The following TMEM167A variants were observed in gnomAD, a reference collection of about 807,000 sequenced individuals.
The protein encoded by TMEM167A is protein kish-A.
TMEM167A carries 8 observed loss-of-function variants against 11.6 expected under a neutral mutation model. That is an observed-to-expected ratio of 0.69 (90% CI 0.40 to 1.24). TMEM167A has a LOEUF of 1.24. Among genes scored for constraint, TMEM167A ranks in the 50% most tolerant of loss-of-function variants. The pLI is 0.01. For synonymous variants in TMEM167A, 22 were observed against 28.0 expected, an observed-to-expected ratio of 0.79 and a Z score of 0.67; for missense variants, 62 against 87.0, an observed-to-expected ratio of 0.71 and a Z score of 1.14.
Position 83,055,376 on chromosome 5 carries a change from G to A in TMEM167A, c.*1708C>T, listed in dbSNP as rs1038265771. 2 of 151,944 alleles carry A rather than the reference G, an allele frequency of 1.3e-5. No individual in the cohort carries two copies. The highest frequency in any genetic ancestry group is 1.3e-4 in the Admixed American group (2 of 15,212). The allele number at this position is 151,944 out of a possible 1,614,324, so 9.4% of individuals were successfully genotyped here. A position where few individuals can be genotyped will look rare whatever the true frequency, so the allele number is the denominator to read the frequency against. On this transcript the variant is annotated 3_prime_UTR_variant, in exon 4 of 4. Transcript: ENST00000502346. ...ACAACAGATGGCCACCCAGAAATTA[G>A]AGCCAGAAAGGTGACTTACTCAGCA...
chr5:83,075,939 A>G (rs1744646075), intron 1 of TMEM167A, among the ~76,000 whole-genome samples: 1 of 152,144 alleles, frequency 6.6e-6, no homozygotes. Context: ...TGACATCCCA[A>G]GCTCACAGGA....
chr5:83,075,623 T>C (rs1248821672), intron 1 of TMEM167A, among the ~76,000 whole-genome samples: 2 of 151,812 alleles, frequency 1.3e-5, no homozygotes, highest in African/African-American at 2.4e-5. Context: ...TGCACGCCTG[T>C]AGTCCCAGCT....
chr5:83,074,005 C>T (rs981788651), intron 1 of TMEM167A, among the ~76,000 whole-genome samples: 9 of 152,320 alleles, frequency 5.9e-5, no homozygotes, highest in African/African-American at 1.7e-4. Flanking sequence ...TTTAAATATA[C>T]TCTATGTTGT....
intron 1 of TMEM167A, among the ~76,000 whole-genome samples, chr5:83,069,736 T>C (rs1203576359): frequency 2.0e-5 from 3 of 152,172 alleles, no homozygotes; most frequent in Non-Finnish European, 4.4e-5. Context: ...GTCTATTCTA[T>C]TGAGGTTTTC....
Position 83,056,926 on chromosome 5 carries a change from A to T in TMEM167A, c.*158T>A, listed in dbSNP as rs1450717503. 51 of 699,876 alleles carry T rather than the reference A, an allele frequency of 7.3e-5. 1 individual carries two copies. The East Asian group carries it at 1.3e-3, about 18-fold the overall frequency. The allele number at this position is 699,876 out of a possible 1,614,324, so 43.4% of individuals were successfully genotyped here. A position where few individuals can be genotyped will look rare whatever the true frequency, so the allele number is the denominator to read the frequency against. Reference sequence around the variant, plus strand: ...TACATCTTAATTGTTTATACAGAACATTGGTCCAATAACATTAAAATAGAG... The same window carrying T: ...TACATCTTAATTGTTTATACAGAACTTTGGTCCAATAACATTAAAATAGAG... On this transcript the variant is annotated 3_prime_UTR_variant, in exon 4 of 4. Coordinates refer to ENST00000502346, the MANE Select transcript of TMEM167A (RefSeq NM_174909.5).
intron 1 of TMEM167A, among the ~76,000 whole-genome samples, chr5:83,075,405 T>C (rs546621592): frequency 6.6e-6 from 1 of 152,338 alleles, no homozygotes; most frequent in South Asian, 2.1e-4. Flanking sequence ...ATGCTGACAG[T>C]TGTAAATTAT....
At chr5:83,070,218 C>A (rs1406707958) in intron 1 of TMEM167A, among the ~76,000 whole-genome samples, 2 of 152,108 alleles carry the variant, frequency 1.3e-5, no homozygotes, top group Non-Finnish European at 2.9e-5. Flanking sequence ...AAGAGATATA[C>A]ACTTTCAAAA....
At chr5:83,069,676 T>C (rs1049705131) in intron 1 of TMEM167A, among the ~76,000 whole-genome samples, 2 of 152,120 alleles carry the variant, frequency 1.3e-5, no homozygotes, top group African/African-American at 4.8e-5. Flanking sequence ...GCATAATACA[T>C]ACACATAACA....
chr5:83,072,907 A>T (rs1041516088), intron 1 of TMEM167A, among the ~76,000 whole-genome samples: 1 of 152,204 alleles, frequency 6.6e-6, no homozygotes, highest in Non-Finnish European at 1.5e-5. Context: ...TCATAAGATC[A>T]GAACTATTTT....
At chr5:83,065,569 C>A (rs977340895) in intron 1 of TMEM167A, among the ~76,000 whole-genome samples, 1 of 151,448 alleles carries the variant, frequency 6.6e-6, no homozygotes, top group Non-Finnish European at 1.5e-5. Context: ...ATCCAAAATC[C>A]AAAATGTTCC....
chr5:83,075,732 G>T (rs1426016202), intron 1 of TMEM167A, among the ~76,000 whole-genome samples: 1 of 145,488 alleles, frequency 6.9e-6, no homozygotes, highest in East Asian at 2.0e-4. Context: ...GCAACAGAGG[G>T]AGACTCCATC....
At chr5:83,066,341 C>T (rs1561303367) in intron 1 of TMEM167A, among the ~76,000 whole-genome samples, 1 of 152,120 alleles carries the variant, frequency 6.6e-6, no homozygotes, top group East Asian at 1.9e-4. Context: ...AACTTAGTTA[C>T]ACAAAATTGG....
intron 1 of TMEM167A, among the ~76,000 whole-genome samples, chr5:83,075,021 T>C (rs922490017): frequency 2.0e-5 from 3 of 152,130 alleles, no homozygotes; most frequent in African/African-American, 7.2e-5. Context: ...CTACCCACCT[T>C]GGCCTCCCAA....
intron 1 of TMEM167A, among the ~76,000 whole-genome samples, chr5:83,068,787 T>C (rs1226324628): frequency 6.6e-6 from 1 of 152,206 alleles, no homozygotes; most frequent in Non-Finnish European, 1.5e-5. Context: ...ATTTTCCTAA[T>C]GCAGTATCTA....
chr5:83,072,429 G>A (rs925680205), intron 1 of TMEM167A, among the ~76,000 whole-genome samples: 5 of 152,214 alleles, frequency 3.3e-5, no homozygotes, highest in African/African-American at 1.2e-4. Context: ...CATATGGTAT[G>A]AAATCTAACT....
chr5:83,074,140 C>G (rs1744602667), intron 1 of TMEM167A, among the ~76,000 whole-genome samples: 1 of 152,166 alleles, frequency 6.6e-6, no homozygotes, highest in Non-Finnish European at 1.5e-5. Context: ...CAAAATCTGG[C>G]CCCAATCTTT....
intron 2 of TMEM167A, among the ~76,000 whole-genome samples, chr5:83,064,790 C>G (rs1744458459): frequency 2.0e-5 from 3 of 152,054 alleles, no homozygotes; most frequent in Admixed American, 1.3e-4. Context: ...CGATTTTTTA[C>G]TCTTAACACA....
chr5:83,076,117 T>G (rs1045012663), intron 1 of TMEM167A, among the ~76,000 whole-genome samples: 1 of 152,226 alleles, frequency 6.6e-6, no homozygotes, highest in Non-Finnish European at 1.5e-5. Context: ...TAAGTTTGAG[T>G]ACTGGCTTTA....
At chr5:83,060,149 G>T (rs1019603086) in intron 3 of TMEM167A, among the ~76,000 whole-genome samples, 2 of 112,222 alleles carry the variant, frequency 1.8e-5, no homozygotes, top group African/African-American at 7.3e-5. Context: ...TCTCTGAGAA[G>T]TTGAAAGCCA....
Sources: allele counts gnomAD v4.1 joint callset (sites outside exome capture counted in the v4.1 genomes callset), GRCh38; gene constraint gnomAD v4.1.1; transcripts MANE v1.5; gene names NCBI Gene and HGNC (gene_info 2026-07-23, HGNC 2026-07-21).